Variants in NPM3 observed in about 807,000 individuals in gnomAD.
NPM3 encodes nucleoplasmin-3.
In NPM3, 12 loss-of-function variants were observed where a neutral mutation model predicts 18.1. That is an observed-to-expected ratio of 0.66 (90% CI 0.42 to 1.07). NPM3 has a LOEUF of 1.07. Among genes scored for constraint, NPM3 ranks in the 50% least tolerant of loss-of-function variants. The pLI is 0.00. For missense variants in NPM3, 274 were observed against 232.1 expected (o/e 1.18, Z -1.17); for synonymous variants, 116 against 93.7 (o/e 1.24, Z -1.38).
chr10:101,783,427 G>C, upstream of NPM3: 1 of 1,469,444 alleles, frequency 6.8e-7, no homozygotes, highest in Non-Finnish European at 9.3e-7. Flanking sequence ...CCCCCGACAC[G>C]CACAAAGCCG....
At chr10:101,782,314 G>A (rs1564635535) in exon 4 of NPM3, 1 of 1,614,050 alleles carries the variant, frequency 6.2e-7, no homozygotes, top group Admixed American at 1.7e-5. Context: ...CAGGCGGAAG[G>A]TTACAGGTGG....
rs1168239789 is a variant in NPM3 at position 101,782,594 on chromosome 10, A to G, written c.208T>C (p.Cys70Arg). 1.1e-5 allele frequency: 17 copies of G among 1,613,892 alleles called. No individual in the cohort carries two copies. In the South Asian group the frequency reaches 1.9e-4, roughly 18 times the overall value. The change falls in exon 3 of 6, where the codon TGC becomes CGC. Residue 70 changes from cysteine to arginine, a missense_variant. Cys to Arg is a radical substitution (Grantham distance 180). Coordinates refer to ENST00000370110, the Ensembl canonical transcript of NPM3. The stretch of plus-strand genomic sequence containing the variant: ...TCGTCTTTGGCTCCCTCGGTGAGGC[A>G]GAGCTGGGAACGGTACACAGGGCCT...
exon 6 of NPM3, chr10:101,781,448 C>T (rs1045525352): frequency 6.9e-6 from 3 of 436,770 alleles, no homozygotes; most frequent in Non-Finnish European, 1.2e-5. Flanking sequence ...AAGGGAGGCC[C>T]CGGGCATGGT....
chr10:101,783,049 TTC>T, intron 1 of NPM3, 125 bp from the exon 2 acceptor site: 2 of 884,230 alleles, frequency 2.3e-6, no homozygotes, highest in Non-Finnish European at 3.5e-6. Context: ...CCTCCGTCTC[TTC>T]TCTCAGAACA....
exon 6 of NPM3, chr10:101,781,537 C>CCCCCCCCCCA: frequency 3.2e-6 from 1 of 315,240 alleles, no homozygotes; most frequent in Non-Finnish European, 6.2e-6. Flanking sequence ...CACCCAACCC[C>CCCCCCCCCCA]CACCCAAGCT....
chr10:101,783,416 G>GC, upstream of NPM3: 1 of 1,511,166 alleles, frequency 6.6e-7, no homozygotes, highest in Non-Finnish European at 9.0e-7. Flanking sequence ...TTCAAACTCC[G>GC]CCCCCGACAC....
intron 1 of NPM3, 54 bp from the exon 2 acceptor site, chr10:101,782,978 G>A (rs1473599701): frequency 1.3e-6 from 2 of 1,551,414 alleles, no homozygotes; most frequent in African/African-American, 1.4e-5. Flanking sequence ...CTGGGCAGCG[G>A]GGGATGTCAC....
chr10:101,781,649 A>C lies in NPM3; in HGVS notation c.*10-17T>G. 1 of 1,479,756 alleles carries C rather than the reference A, an allele frequency of 6.8e-7. No homozygotes were observed. Among genetic ancestry groups the C allele is most frequent in the Non-Finnish European group, 9.2e-7 (1 of 1,083,346 alleles). 91.7% of individuals were successfully genotyped at this position (1,479,756 alleles called of 1,614,324 possible). A position where few individuals can be genotyped will look rare whatever the true frequency, so the allele number is the denominator to read the frequency against. On this transcript the variant is annotated splice_polypyrimidine_tract_variant and intron_variant, in intron 5 of 5. Transcript: ENST00000370110. ...GGAGCTGACCTGAAAAGAGGAAACA[A>C]GGAATCAGCATTTAGGCCCTCACCT...
At position 101,783,336 on chromosome 10, in the gene NPM3, G is replaced by A. The variant is rs141032016; in HGVS notation, c.55C>T (p.Arg19Trp). 36 of 1,612,712 alleles carry A rather than the reference G, an allele frequency of 2.2e-5. No individual in the cohort carries two copies. In the African/African-American group the frequency reaches 4.5e-4, roughly 20 times the overall value. ...CGTAGGCCCCCGACACCCCCGGCCCGCGTTCGGCTCTCCTGACTCAAAAAC... is the reference window on the plus strand; with the variant it reads ...CGTAGGCCCCCGACACCCCCGGCCCACGTTCGGCTCTCCTGACTCAAAAAC... The change falls in exon 1 of 6, where the codon CGG becomes TGG. Residue 19 changes from arginine to tryptophan, a missense_variant. Transcript: ENST00000370110.
At chr10:101,781,475 C>T (rs2065140102) in exon 6 of NPM3, 1 of 482,268 alleles carries the variant, frequency 2.1e-6, no homozygotes, top group Non-Finnish European at 3.6e-6. Context: ...CAGAAAACCA[C>T]GGCTGTGTGG....
exon 3 of NPM3, chr10:101,782,538 G>A: frequency 6.2e-7 from 1 of 1,614,022 alleles, no homozygotes; most frequent in South Asian, 1.1e-5. Flanking sequence ...GATGGTCATG[G>A]TTCCGGGCCA....
At position 101,782,242 on chromosome 10, in the gene NPM3, C is replaced by T; in HGVS notation, c.418+16G>A. The T allele has an allele frequency of 6.3e-7, 1 of 1,599,352 alleles. No individual in the cohort carries two copies. Among genetic ancestry groups the T allele is most frequent in the South Asian group, 1.1e-5 (1 of 90,178 alleles). On this transcript the variant is annotated intron_variant, in intron 4 of 5. Coordinates refer to ENST00000370110, the Ensembl canonical transcript of NPM3. ...GTCCACTGGAAGCAAAGGAGAGGGC[C>T]CTCCCCTCTTCTCACCAATCTGGTG...
chr10:101,781,996 G>T, intron 4 of NPM3, 142 bp from the exon 5 acceptor site: 2 of 1,424,214 alleles, frequency 1.4e-6, no homozygotes, highest in Non-Finnish European at 1.9e-6. Flanking sequence ...AAGAACCTCA[G>T]ACCCTAAACT....
chr10:101,782,966 G>A (rs758722844), intron 1 of NPM3, 42 bp from the exon 2 acceptor site: 2 of 1,589,694 alleles, frequency 1.3e-6, no homozygotes, highest in South Asian at 1.1e-5. Flanking sequence ...GTGTGTACGG[G>A]GCTGGGCAGC....
At chr10:101,781,533 A>ACCC in exon 6 of NPM3, 3 of 278,980 alleles carry the variant, frequency 1.1e-5, no homozygotes, top group South Asian at 3.5e-5. Context: ...CTCCCACCCA[A>ACCC]CCCCCACCCA....
chr10:101,781,464 T>C (rs1047092851), exon 6 of NPM3: 14 of 449,204 alleles, frequency 3.1e-5, no homozygotes, highest in Non-Finnish European at 5.5e-5. Context: ...ATGGTGAAAA[T>C]CAGAAAACCA....
chr10:101,783,284 C>G, exon 1 of NPM3: 1 of 1,606,282 alleles, frequency 6.2e-7, no homozygotes, highest in Non-Finnish European at 8.5e-7. Flanking sequence ...GAAGAAAAAA[C>G]TGTCCATAGT....
At chr10:101,782,325 T>C (rs776726192) in exon 4 of NPM3, 4 of 1,613,868 alleles carry the variant, frequency 2.5e-6, no homozygotes, top group Non-Finnish European at 2.5e-6. Flanking sequence ...TTACAGGTGG[T>C]TGGAGCTGGA....
rs2065139514 is a variant in NPM3 at position 101,781,432 on chromosome 10, G to A, written c.*210C>T. 19 of 422,030 alleles carry A rather than the reference G, an allele frequency of 4.5e-5. 1 individual carries two copies. In the South Asian group the frequency reaches 6.2e-4, roughly 14 times the overall value. 26.1% of individuals were successfully genotyped at this position (422,030 alleles called of 1,614,324 possible). A position where few individuals can be genotyped will look rare whatever the true frequency, so the allele number is the denominator to read the frequency against. The stretch of plus-strand genomic sequence containing the variant: ...CACTAACCTCCAATTCTCACAGGCA[G>A]GTGGGAAGGGAGGCCCCGGGCATGG... On this transcript the variant is annotated 3_prime_UTR_variant, in exon 6 of 6. Transcript: ENST00000370110.
Sources: gnomAD v4.1 joint callset for allele counts on GRCh38, gnomAD v4.1.1 for gene constraint, MANE v1.5 for transcripts, NCBI Gene and HGNC (gene_info 2026-07-23, HGNC 2026-07-21) for gene names.